Variants in RBFOX1 observed in about 807,000 individuals in gnomAD.
RBFOX1 encodes the protein RNA binding protein fox-1 homolog 1.
Under a neutral mutation model 57.7 loss-of-function variants are expected in RBFOX1, and 8 were observed. The ratio of observed to expected loss-of-function variants is 0.14; its 90% CI spans 0.08 to 0.25. The LOEUF is 0.25. Among genes scored for constraint, RBFOX1 ranks in the 10% least tolerant of loss-of-function variants. The probability of loss-of-function intolerance (pLI) is 1.00; values close to 1 mark genes in which losing one functional copy is unlikely to be tolerated. For missense variants in RBFOX1, 611 were observed against 548.5 expected (o/e 1.11, Z -1.14); for synonymous variants, 326 against 222.4 (o/e 1.47, Z -4.15).
intron 2 of RBFOX1, among the ~76,000 whole-genome samples, chr16:6,637,564 T>TTTATATAGTATATATAGAATAG (rs2098455694): frequency 6.2e-5 from 8 of 128,476 alleles, no homozygotes; most frequent in Admixed American, 4.7e-4. Flanking sequence ...ATATATAATA[T>TTTATATAGTATATATAGAATAG]TCTATATAGT....
chr16:6,375,291 AAAAAAC>A (rs939296544), intron 2 of RBFOX1, among the ~76,000 whole-genome samples: 16 of 150,226 alleles, frequency 1.1e-4, no homozygotes, highest in African/African-American at 2.3e-4. Flanking sequence ...GAGTGGGGAA[AAAAAAC>A]AAAAACAAAA....
At chr16:6,421,915 C>G (rs894436820) in intron 2 of RBFOX1, among the ~76,000 whole-genome samples, 3 of 148,024 alleles carry the variant, frequency 2.0e-5, no homozygotes, top group Non-Finnish European at 4.4e-5. Context: ...TGTTTAGGGA[C>G]CAGACCTTTT....
intron 4 of RBFOX1, among the ~76,000 whole-genome samples, chr16:7,174,618 T>A (rs756687460): frequency 1.6e-4 from 24 of 152,094 alleles, no homozygotes; most frequent in Non-Finnish European, 3.1e-4. Flanking sequence ...CCATCTCTAC[T>A]AAAAATACAA....
At chr16:7,502,006 C>T (rs1014968749) in intron 4 of RBFOX1, among the ~76,000 whole-genome samples, 5 of 152,168 alleles carry the variant, frequency 3.3e-5, no homozygotes, top group Admixed American at 1.3e-4. Flanking sequence ...ATGCTCTTGC[C>T]CATTTGGACA....
chr16:6,778,487 C>G (rs1216040289), intron 3 of RBFOX1, among the ~76,000 whole-genome samples: 1 of 152,104 alleles, frequency 6.6e-6, no homozygotes, highest in African/African-American at 2.4e-5. Context: ...TAATTACACC[C>G]AATCCTTCAA....
chr16:7,285,839 A>T (rs1218943991), intron 4 of RBFOX1, among the ~76,000 whole-genome samples: 1 of 152,248 alleles, frequency 6.6e-6, no homozygotes, highest in African/African-American at 2.4e-5. Context: ...AACTGTTACA[A>T]ATCTTCAAGT....
Position 6,792,101 on chromosome 16 carries a change from G to C in RBFOX1, c.-16+137451G>C, listed in dbSNP as rs184248168. ...GATAATACCTAAATACATTTTAATAGTGGTATTAATTATATCACATAAATA... is the reference window on the plus strand; with the variant it reads ...GATAATACCTAAATACATTTTAATACTGGTATTAATTATATCACATAAATA... On this transcript the variant is annotated intron_variant, in intron 3 of 15. Transcript: ENST00000550418. Among the ~76,000 whole-genome samples, 234 of 152,168 alleles carry C rather than the reference G, an allele frequency of 1.5e-3. 1 individual carries two copies. The highest frequency in any genetic ancestry group is 5.0e-3 in the African/African-American group (209 of 41,522).
intron 4 of RBFOX1, among the ~76,000 whole-genome samples, chr16:7,197,608 A>C (rs1029006141): frequency 1.3e-5 from 2 of 152,198 alleles, no homozygotes; most frequent in East Asian, 3.8e-4. Context: ...CAAGTACTCA[A>C]ACAAAAATGT....
intron 2 of RBFOX1, among the ~76,000 whole-genome samples, chr16:6,435,923 T>A (rs2094220859): frequency 6.6e-6 from 1 of 152,196 alleles, no homozygotes; most frequent in Non-Finnish European, 1.5e-5. Flanking sequence ...TTCTGTTGCA[T>A]CGTTTTCCCA....
At chr16:5,525,618 C>A (rs1323829745) in intron 2 of RBFOX1, among the ~76,000 whole-genome samples, 3 of 151,054 alleles carry the variant, frequency 2.0e-5, no homozygotes, top group African/African-American at 7.3e-5. Context: ...CTGCCTCAGC[C>A]TACTGAGTAG....
At chr16:5,487,566 G>T (rs1490796785) in intron 2 of RBFOX1, among the ~76,000 whole-genome samples, 1 of 152,192 alleles carries the variant, frequency 6.6e-6, no homozygotes, top group Non-Finnish European at 1.5e-5. Flanking sequence ...AGGTACAGAG[G>T]CAATGTTATG....
chr16:7,002,385 G>A (rs1410180304), intron 3 of RBFOX1, among the ~76,000 whole-genome samples: 1 of 152,154 alleles, frequency 6.6e-6, no homozygotes, highest in Non-Finnish European at 1.5e-5. Context: ...AAGGTTTTCT[G>A]TTTATCCAGC....
chr16:6,852,153 C>G (rs1162276718), intron 3 of RBFOX1, among the ~76,000 whole-genome samples: 40 of 152,076 alleles, frequency 2.6e-4, no homozygotes, highest in Admixed American at 2.4e-3. Context: ...GATCTGATGT[C>G]TGAAATCAGT....
intron 3 of RBFOX1, among the ~76,000 whole-genome samples, chr16:6,825,211 G>T (rs1007405039): frequency 1.5e-4 from 22 of 150,206 alleles, no homozygotes; most frequent in Admixed American, 3.4e-4. Context: ...TGTTTTGGGA[G>T]GCTGCTTAGC....
chr16:6,276,543 G>A lies in RBFOX1; in HGVS notation c.-126-40452G>A, dbSNP rs559366379. ...TTTTTAGTAGAAATGGGGTTTTACCGTGTTGGCCAGGTTGGTCTGGAACTG... is the reference window on the plus strand; with the variant it reads ...TTTTTAGTAGAAATGGGGTTTTACCATGTTGGCCAGGTTGGTCTGGAACTG... On this transcript the variant is annotated intron_variant, in intron 1 of 15. Transcript: ENST00000550418. Among the ~76,000 whole-genome samples, 9 of 152,184 alleles carry A rather than the reference G, an allele frequency of 5.9e-5. No individual in the cohort carries two copies. The South Asian group carries it at 6.2e-4, about 11-fold the overall frequency.
At chr16:6,982,994 A>T (rs1037235958) in intron 3 of RBFOX1, among the ~76,000 whole-genome samples, 2 of 14,764 alleles carry the variant, frequency 1.4e-4, no homozygotes, top group Admixed American at 9.7e-4. Context: ...GACTCTGTCT[A>T]AAAAAAAAAA....
intron 1 of RBFOX1, among the ~76,000 whole-genome samples, chr16:6,082,461 G>T (rs533341973): frequency 6.9e-6 from 1 of 144,442 alleles, no homozygotes; most frequent in African/African-American, 2.6e-5. Flanking sequence ...GAGCCACCGT[G>T]CCCAGCCTCC....
At chr16:7,108,803 T>G (rs2064094544) in intron 4 of RBFOX1, among the ~76,000 whole-genome samples, 1 of 152,200 alleles carries the variant, frequency 6.6e-6, no homozygotes, top group Non-Finnish European at 1.5e-5. Flanking sequence ...TCATGAAGGC[T>G]TGTTTGTTGT....
chr16:6,919,726 G>C (rs1190774054), intron 3 of RBFOX1, among the ~76,000 whole-genome samples: 3 of 149,862 alleles, frequency 2.0e-5, no homozygotes, highest in Non-Finnish European at 4.4e-5. Flanking sequence ...TATAGATAAG[G>C]AGAAAAATTT....
Sources: gnomAD v4.1 joint callset for allele counts (sites outside exome capture counted in the v4.1 genomes callset) on GRCh38, gnomAD v4.1.1 for gene constraint, MANE v1.5 for transcripts, NCBI Gene and HGNC (gene_info 2026-07-23, HGNC 2026-07-21) for gene names.